Variants in GRIP1 observed in about 807,000 individuals in gnomAD.
GRIP1 encodes glutamate receptor-interacting protein 1.
GRIP1 carries 45 observed loss-of-function variants against 129.9 expected under a neutral mutation model. That is an observed-to-expected ratio of 0.35 (90% CI 0.27 to 0.44). The LOEUF (loss-of-function observed/expected upper bound fraction) is 0.44. Among genes scored for constraint, GRIP1 ranks in the 20% least tolerant of loss-of-function variants. The pLI, the probability that GRIP1 is intolerant of heterozygous loss-of-function variation, is 1.00. For missense variants in GRIP1, 1,196 were observed against 1,396.8 expected (o/e 0.86, Z 2.29); for synonymous variants, 530 against 520.8 (o/e 1.02, Z -0.24).
At chr12:66,556,311 C>T (rs917160811) in intron 2 of GRIP1, among the ~76,000 whole-genome samples, 9 of 151,956 alleles carry the variant, frequency 5.9e-5, no homozygotes, top group African/African-American at 2.2e-4. Flanking sequence ...CTTTTATCCT[C>T]GAATAGTATA....
intron 1 of GRIP1, among the ~76,000 whole-genome samples, chr12:67,064,238 C>G (rs1209686727): frequency 1.3e-5 from 2 of 152,184 alleles, no homozygotes; most frequent in Admixed American, 6.5e-5. Context: ...TAAGCAAACT[C>G]TCTAATGAAT....
intron 14 of GRIP1, among the ~76,000 whole-genome samples, chr12:66,422,834 A>G (rs2057854893): frequency 6.6e-6 from 1 of 152,274 alleles, no homozygotes; most frequent in Non-Finnish European, 1.5e-5. Flanking sequence ...GTGGATGCCC[A>G]TTGGGATGAT....
chr12:66,867,878 G>T (rs2040232342), intron 1 of GRIP1, among the ~76,000 whole-genome samples: 1 of 152,084 alleles, frequency 6.6e-6, no homozygotes. Flanking sequence ...AGACTGTTGA[G>T]CAGGGAACAA....
chr12:66,537,098 C>T (rs1160422985), intron 4 of GRIP1, among the ~76,000 whole-genome samples: 1 of 152,092 alleles, frequency 6.6e-6, no homozygotes, highest in African/African-American at 2.4e-5. Flanking sequence ...AAATGCCTAT[C>T]TTGTAGTGTT....
At chr12:66,493,310 T>A (rs1177235107) in intron 7 of GRIP1, among the ~76,000 whole-genome samples, 3 of 152,182 alleles carry the variant, frequency 2.0e-5, no homozygotes, top group African/African-American at 7.2e-5. Context: ...GAAGGCCTCC[T>A]AGCATTGTAG....
chr12:66,946,658 T>C (rs1470491313), intron 1 of GRIP1, among the ~76,000 whole-genome samples: 2 of 151,494 alleles, frequency 1.3e-5, no homozygotes, highest in East Asian at 3.9e-4. Flanking sequence ...AAGACTGCAC[T>C]GCACACACAT....
At chr12:66,617,990 C>G (rs1565914554) in intron 1 of GRIP1, among the ~76,000 whole-genome samples, 2 of 151,888 alleles carry the variant, frequency 1.3e-5, no homozygotes, top group African/African-American at 4.8e-5. Flanking sequence ...ATGCATATAC[C>G]ATTTGACCCA....
chr12:66,522,973 C>A (rs1362161876), intron 5 of GRIP1, among the ~76,000 whole-genome samples: 1 of 151,844 alleles, frequency 6.6e-6, no homozygotes, highest in Non-Finnish European at 1.5e-5. Context: ...AAGGGAAATT[C>A]AGAGAAAAAA....
intron 1 of GRIP1, among the ~76,000 whole-genome samples, chr12:66,958,906 C>G (rs1326657401): frequency 6.6e-6 from 1 of 152,100 alleles, no homozygotes; most frequent in African/African-American, 2.4e-5. Context: ...AATGAGTGCC[C>G]AGTACCCCAC....
chr12:66,565,719 A>G (rs1283694376), intron 2 of GRIP1, among the ~76,000 whole-genome samples: 4 of 152,120 alleles, frequency 2.6e-5, no homozygotes, highest in African/African-American at 4.8e-5. Flanking sequence ...CTTGGGCAGT[A>G]TGGCCATTTT....
chr12:66,924,705 C>G (rs897467119), intron 1 of GRIP1, among the ~76,000 whole-genome samples: 4 of 152,168 alleles, frequency 2.6e-5, no homozygotes, highest in African/African-American at 9.6e-5. Flanking sequence ...CGGTGGCTCA[C>G]GCCTGTAATC....
intron 1 of GRIP1, among the ~76,000 whole-genome samples, chr12:66,772,484 T>C (rs752353450): frequency 6.6e-6 from 1 of 152,202 alleles, no homozygotes; most frequent in Non-Finnish European, 1.5e-5. Flanking sequence ...ATCCTGTTGG[T>C]GCCAAGCTTC....
At chr12:66,840,476 G>C (rs1347940602) in intron 1 of GRIP1, among the ~76,000 whole-genome samples, 17 of 152,056 alleles carry the variant, frequency 1.1e-4, no homozygotes, top group Non-Finnish European at 7.4e-5. Context: ...ACAAGAGCAG[G>C]GAAGGAACAA....
At chr12:66,413,034 A>G (rs2137742386) in intron 15 of GRIP1, among the ~76,000 whole-genome samples, 1 of 152,280 alleles carries the variant, frequency 6.6e-6, no homozygotes, top group South Asian at 2.1e-4. Context: ...CCCGCTGACA[A>G]TATTAGACAG....
chr12:66,596,708 T>C (rs2064063968), intron 2 of GRIP1, 139 bp downstream of exon 2: 3 of 676,006 alleles, frequency 4.4e-6, no homozygotes, highest in Non-Finnish European at 8.0e-6. Context: ...ACAAGTGTTG[T>C]AGAATTCAGT....
chr12:66,379,648 C>A (rs1467146727), intron 19 of GRIP1, among the ~76,000 whole-genome samples: 1 of 152,186 alleles, frequency 6.6e-6, no homozygotes, highest in Non-Finnish European at 1.5e-5. Context: ...GAGGTAGATA[C>A]TCCTATTATT....
chr12:66,356,730 C>T (rs1490086937), intron 23 of GRIP1, among the ~76,000 whole-genome samples: 1 of 152,038 alleles, frequency 6.6e-6, no homozygotes, highest in Non-Finnish European at 1.5e-5. Flanking sequence ...CTTCAGTATA[C>T]ACCTCCAAAA....
intron 7 of GRIP1, among the ~76,000 whole-genome samples, chr12:66,500,905 A>T (rs761779594): frequency 2.0e-5 from 3 of 152,240 alleles, no homozygotes; most frequent in Non-Finnish European, 4.4e-5. Flanking sequence ...TAAAAGTATG[A>T]TCTCAACCTG....
intron 7 of GRIP1, among the ~76,000 whole-genome samples, chr12:66,484,990 A>G (rs77918317): frequency 0.024 from 3,724 of 152,264 alleles, 148 homozygotes; most frequent in African/African-American, 0.086. Context: ...GCTGCTATGA[A>G]CATTCTAGTT....
Sources: gnomAD v4.1 joint callset for allele counts (sites outside exome capture counted in the v4.1 genomes callset) on GRCh38, gnomAD v4.1.1 for gene constraint, MANE v1.5 for transcripts, NCBI Gene and HGNC (gene_info 2026-07-23, HGNC 2026-07-21) for gene names.